Variants in HEATR5A observed in about 807,000 individuals in gnomAD.
The protein encoded by HEATR5A is HEAT repeat containing 5A.
Under a neutral mutation model 218.8 loss-of-function variants are expected in HEATR5A, and 178 were observed. The observed-to-expected ratio is 0.81, with a 90% CI of 0.72 to 0.92. The LOEUF is 0.92. Ranked by LOEUF, HEATR5A falls within the 40% of genes least tolerant of loss-of-function variation. The probability of loss-of-function intolerance (pLI) is 0.00; values close to 1 mark genes in which losing one functional copy is unlikely to be tolerated. For missense variants in HEATR5A, 2,420 were observed against 2,418.9 expected (o/e 1.00, Z -0.01); for synonymous variants, 864 against 871.6 (o/e 0.99, Z 0.15).
chr14:31,393,551 T>C (rs915006697), intron 6 of HEATR5A, among the ~76,000 whole-genome samples: 1 of 152,200 alleles, frequency 6.6e-6, no homozygotes, highest in Non-Finnish European at 1.5e-5. Context: ...AATGATTGCA[T>C]AAAGTACACC....
At chr14:31,302,797 A>G in intron 32 of HEATR5A, 1 of 355,864 alleles carries the variant, frequency 2.8e-6, no homozygotes, top group Non-Finnish European at 5.1e-6. Flanking sequence ...TCGATAAATG[A>G]ATTTATTTTT....
chr14:31,320,539 G>A (rs1016211654), intron 25 of HEATR5A: 1 of 1,041,874 alleles, frequency 9.6e-7, no homozygotes, highest in South Asian at 1.2e-5. Flanking sequence ...AATTCTCTGG[G>A]CTATTCAAGG....
chr14:31,394,212 A>T lies in HEATR5A; in HGVS notation c.612T>A (p.Leu204=), dbSNP rs897791166. The change falls in exon 6 of 36, where the codon CTT becomes CTA. Residue 204 remains leucine, a synonymous_variant. Coordinates refer to ENST00000543095, the MANE Select transcript of HEATR5A (RefSeq NM_015473.4). ...RCAAAKCLLE[L]QNEAIFMWST... The stretch of plus-strand genomic sequence containing the variant: ...TCCACATAAAGATGGCTTCATTCTG[A>T]AGTTCAAGGAGACACTATTCAATTG... 6.7e-7 allele frequency: 1 copy of T among 1,494,066 alleles called. No homozygotes were observed. Among genetic ancestry groups the T allele is most frequent in the Non-Finnish European group, 8.9e-7 (1 of 1,129,582 alleles). 92.6% of individuals were successfully genotyped at this position (1,494,066 alleles called of 1,614,324 possible). A position where few individuals can be genotyped will look rare whatever the true frequency, so the allele number is the denominator to read the frequency against.
chr14:31,342,731 A>T (rs1900879736), intron 21 of HEATR5A, among the ~76,000 whole-genome samples: 1 of 152,216 alleles, frequency 6.6e-6, no homozygotes, highest in Non-Finnish European at 1.5e-5. Context: ...AGATTTAGCC[A>T]CCACTTAGGT....
intron 11 of HEATR5A, among the ~76,000 whole-genome samples, chr14:31,379,473 C>T (rs1230963710): frequency 6.6e-6 from 1 of 152,106 alleles, no homozygotes; most frequent in East Asian, 1.9e-4. Context: ...TGATCTTGAA[C>T]TCCTGACCTC....
intron 17 of HEATR5A, among the ~76,000 whole-genome samples, chr14:31,350,252 C>T (rs1901174147): frequency 1.3e-5 from 2 of 152,130 alleles, no homozygotes; most frequent in African/African-American, 4.8e-5. Flanking sequence ...CAGAGATGTC[C>T]ACAAAATAAG....
chr14:31,304,417 C>T (rs1166057227), intron 32 of HEATR5A, among the ~76,000 whole-genome samples: 1 of 152,002 alleles, frequency 6.6e-6, no homozygotes, highest in African/African-American at 2.4e-5. Context: ...TCTATATTTT[C>T]ACTCTCTCTT....
intron 31 of HEATR5A, 49 bp downstream of exon 31, chr14:31,306,683 A>G (rs760951678): frequency 6.5e-7 from 1 of 1,539,962 alleles, no homozygotes; most frequent in East Asian, 2.3e-5. Flanking sequence ...AATACTTTAC[A>G]AAAGAATGAT....
chr14:31,379,749 T>C (rs1367999930), intron 11 of HEATR5A, among the ~76,000 whole-genome samples: 1 of 152,104 alleles, frequency 6.6e-6, no homozygotes, highest in Non-Finnish European at 1.5e-5. Context: ...AGCCCACAAG[T>C]TCGAGACGAG....
intron 13 of HEATR5A, among the ~76,000 whole-genome samples, chr14:31,368,608 A>C (rs1901892692): frequency 6.6e-6 from 1 of 152,108 alleles, no homozygotes; most frequent in Non-Finnish European, 1.5e-5. Context: ...TCAAGACTAT[A>C]GCCTTGAATT....
At chr14:31,390,330 C>A (rs1566779612) in intron 6 of HEATR5A, among the ~76,000 whole-genome samples, 1 of 152,028 alleles carries the variant, frequency 6.6e-6, no homozygotes. Context: ...ATATGTCATG[C>A]TGCTGCTGTG....
Position 31,295,927 on chromosome 14 carries a change from A to G in HEATR5A, c.5601T>C (p.Leu1867=), listed in dbSNP as rs750285281. The G allele has an allele frequency of 3.7e-6, 6 of 1,613,502 alleles. No homozygotes were observed. The highest frequency in any genetic ancestry group is 2.2e-5 in the South Asian group (2 of 91,052). Residue 1867 remains leucine, a synonymous_variant, in exon 34 of 36, where the codon CTT becomes CTC. Transcript: ENST00000543095. Reference sequence around the variant, plus strand: ...CACTTACCACAGGATCTTTTATCTCAAGAGTAGCTTTAAATTTATCAATAC... The same window carrying G: ...CACTTACCACAGGATCTTTTATCTCGAGAGTAGCTTTAAATTTATCAATAC... ...KRCIDKFKAT[L]EIKDPVVQIK...
At chr14:31,350,423 A>G (rs1901179941) in intron 17 of HEATR5A, among the ~76,000 whole-genome samples, 189 bp downstream of exon 17, 1 of 152,196 alleles carries the variant, frequency 6.6e-6, no homozygotes, top group South Asian at 2.1e-4. Context: ...TATAGGTTTG[A>G]TTTCTAACAA....
At chr14:31,293,823 G>T in intron 35 of HEATR5A, 68 bp downstream of exon 35, 1 of 1,304,714 alleles carries the variant, frequency 7.7e-7, no homozygotes, top group Non-Finnish European at 1.1e-6. Flanking sequence ...TGATTGTTTT[G>T]CAATTTAAAT....
chr14:31,373,232 G>A (rs528419426), intron 12 of HEATR5A, among the ~76,000 whole-genome samples: 2 of 151,860 alleles, frequency 1.3e-5, no homozygotes, highest in Admixed American at 6.6e-5. Flanking sequence ...TTCAAAAGTG[G>A]TTTTTCTTTA....
chr14:31,313,258 A>G, intron 27 of HEATR5A, 68 bp from the exon 28 acceptor site: 1 of 1,211,336 alleles, frequency 8.3e-7, no homozygotes, highest in Non-Finnish European at 1.2e-6. Context: ...AAATTTTTAT[A>G]TCTTCCTGAA....
rs71430950 is a variant in HEATR5A at position 31,362,777 on chromosome 14, C to CAA, written c.2071+1410_2071+1411dup. On this transcript the variant is annotated intron_variant, in intron 14 of 35. Transcript: ENST00000543095. ...TGGTTGACAGAGTGAGGCCCCATCT[C>CAA]AAAAAAAAAAACAAAAAAAAGACTT... 1.6e-3 allele frequency among the ~76,000 whole-genome samples: 215 copies of CAA among 132,500 alleles called. 1 individual carries two copies. The highest frequency in any genetic ancestry group is 7.8e-3 in the Middle Eastern group (2 of 256). 86.9% of individuals were successfully genotyped at this position (132,500 alleles called of 152,430 possible). A position where few individuals can be genotyped will look rare whatever the true frequency, so the allele number is the denominator to read the frequency against.
chr14:31,391,331 G>C (rs2030446149), intron 6 of HEATR5A, among the ~76,000 whole-genome samples: 1 of 152,046 alleles, frequency 6.6e-6, no homozygotes, highest in Admixed American at 6.6e-5. Flanking sequence ...GACAGATGAG[G>C]TTTCCCCATC....
In HEATR5A at chr14:31,296,052, G is replaced by A; in HGVS notation, c.5476C>T (p.His1826Tyr). ...LDCWDPVDET[H>Y]QELDEVSLLT... ...AGACTGACTTCATCAAGTTCTTGGTGTGTTTCATCAACTAAAGAGAAATGC... is the reference window on the plus strand; with the variant it reads ...AGACTGACTTCATCAAGTTCTTGGTATGTTTCATCAACTAAAGAGAAATGC... Residue 1826 changes from histidine to tyrosine, a missense_variant, in exon 34 of 36, where the codon CAC (histidine) becomes TAC (tyrosine). Physicochemically the swap from His to Tyr is moderately conservative, Grantham distance 83. Transcript: ENST00000543095. The A allele has an allele frequency of 6.2e-7, 1 of 1,613,064 alleles. No individual in the cohort carries two copies. Among genetic ancestry groups the A allele is most frequent in the Non-Finnish European group, 8.5e-7 (1 of 1,179,282 alleles).
Sources: gnomAD v4.1 joint callset for allele counts (sites outside exome capture counted in the v4.1 genomes callset) on GRCh38, gnomAD v4.1.1 for gene constraint, MANE v1.5 for transcripts, NCBI Gene and HGNC (gene_info 2026-07-23, HGNC 2026-07-21) for gene names.